CDH23: variants seen among roughly 807,000 people sequenced by gnomAD.
CDH23 encodes cadherin related 23, also known as cadherin-23.
In CDH23, 189 loss-of-function variants were observed where a neutral mutation model predicts 317.1. The ratio of observed to expected loss-of-function variants is 0.60; its 90% CI spans 0.53 to 0.67. CDH23 has a LOEUF of 0.67. CDH23 is among the 30% of genes least tolerant of loss of function. The pLI, the probability that CDH23 is intolerant of heterozygous loss-of-function variation, is 0.00. For synonymous variants in CDH23, 1,839 were observed against 1,876.8 expected, an observed-to-expected ratio of 0.98 and a Z score of 0.52; for missense variants, 4,401 against 4,592.4, an observed-to-expected ratio of 0.96 and a Z score of 1.20.
chr10:71,601,462 G>A (rs1448905365), intron 9 of CDH23, among the ~76,000 whole-genome samples: 1 of 152,164 alleles, frequency 6.6e-6, no homozygotes, highest in Admixed American at 6.5e-5. Flanking sequence ...GCCCAGAGAG[G>A]GTAGATAACT....
chr10:71,750,523 G>C (rs1839969795), intron 38 of CDH23: 1 of 152,284 alleles, frequency 6.6e-6, no homozygotes, highest in Non-Finnish European at 1.5e-5. Context: ...CCAGTGGGTG[G>C]GGCAACATCT....
intron 9 of CDH23, among the ~76,000 whole-genome samples, chr10:71,599,990 CTTTT>C (rs1174206523): frequency 3.7e-5 from 4 of 109,542 alleles, no homozygotes; most frequent in East Asian, 2.9e-4. Flanking sequence ...AATGTCTTTC[CTTTT>C]TTTTTTTTTT....
At chr10:71,727,437 C>T (rs1056756453) in intron 30 of CDH23, among the ~76,000 whole-genome samples, 37 of 152,342 alleles carry the variant, frequency 2.4e-4, no homozygotes, top group Admixed American at 2.2e-3. Flanking sequence ...AGCCTCCACA[C>T]CCATGAGACC....
intron 38 of CDH23, among the ~76,000 whole-genome samples, chr10:71,760,038 C>CACACACACAT (rs1564779706): frequency 8.7e-5 from 2 of 23,030 alleles, no homozygotes; most frequent in Non-Finnish European, 1.7e-4. Context: ...CACACACACA[C>CACACACACAT]ATATATACAC....
chr10:71,538,689 G>T (rs962674841), intron 6 of CDH23, among the ~76,000 whole-genome samples: 3 of 152,220 alleles, frequency 2.0e-5, no homozygotes, highest in Non-Finnish European at 2.9e-5. Flanking sequence ...CATGGATACA[G>T]CGTGCAACAA....
At chr10:71,553,145 A>G (rs1856690249) in intron 6 of CDH23, among the ~76,000 whole-genome samples, 1 of 152,168 alleles carries the variant, frequency 6.6e-6, no homozygotes, top group Non-Finnish European at 1.5e-5. Context: ...AGGTGATTCT[A>G]ATATGCAGCC....
chr10:71,791,455 G>T, intron 47 of CDH23, 120 bp downstream of exon 47: 2 of 823,556 alleles, frequency 2.4e-6, no homozygotes, highest in Non-Finnish European at 2.0e-6. Flanking sequence ...GGGCAGCAGG[G>T]TGAGTGTAGA....
At chr10:71,442,638 C>T (rs908103385) in intron 2 of CDH23, among the ~76,000 whole-genome samples, 3 of 152,208 alleles carry the variant, frequency 2.0e-5, no homozygotes, top group African/African-American at 7.2e-5. Flanking sequence ...CTTCTTCATC[C>T]GTGGGCTTGT....
intron 14 of CDH23, among the ~76,000 whole-genome samples, chr10:71,661,260 C>A (rs894294068): frequency 6.6e-6 from 1 of 152,140 alleles, no homozygotes; most frequent in Non-Finnish European, 1.5e-5. Context: ...CCAGGCCCAG[C>A]GCTCCCTCTG....
intron 1 of CDH23, among the ~76,000 whole-genome samples, chr10:71,413,078 C>T (rs140996559): frequency 3.3e-5 from 5 of 152,156 alleles, no homozygotes; most frequent in African/African-American, 1.2e-4. Flanking sequence ...GTGGTTTCCC[C>T]TGTGTTTTCA....
rs1228307475 is a variant in CDH23 at position 71,813,459 on chromosome 10, AC to A, written c.9738+113del. The A allele has an allele frequency of 3.1e-6, 3 of 961,784 alleles. No individual in the cohort carries two copies. The African/African-American group carries it at 4.9e-5, about 16-fold the overall frequency. 59.6% of individuals were successfully genotyped at this position (961,784 alleles called of 1,614,324 possible). A position where few individuals can be genotyped will look rare whatever the true frequency, so the allele number is the denominator to read the frequency against. ...ATGTCTCTGGAGCTCTGCAGCCAGG[AC>A]CAAAGACAGCAATGGGTGGGGGCCA... On this transcript the variant is annotated intron_variant, in intron 69 of 69. Transcript: ENST00000224721.
At chr10:71,567,407 C>T (rs777219871) in intron 7 of CDH23, among the ~76,000 whole-genome samples, 2 of 152,218 alleles carry the variant, frequency 1.3e-5, no homozygotes, top group Non-Finnish European at 2.9e-5. Context: ...GGCATCCTGC[C>T]TCTACTCCAC....
chr10:71,465,020 T>A (rs1290813404), intron 3 of CDH23, among the ~76,000 whole-genome samples: 1 of 152,216 alleles, frequency 6.6e-6, no homozygotes, highest in Non-Finnish European at 1.5e-5. Flanking sequence ...TCTCCACTTA[T>A]TTCAGTGTGA....
intron 28 of CDH23, among the ~76,000 whole-genome samples, chr10:71,719,442 AGAG>A (rs1220983734): frequency 6.6e-6 from 1 of 152,216 alleles, no homozygotes; most frequent in African/African-American, 2.4e-5. Flanking sequence ...TGCTGTGGGC[AGAG>A]AAGACTGCTG....
chr10:71,532,711 G>GTTTTTTTTTTTTTTTTTTTTTTT (rs531593760), intron 6 of CDH23, among the ~76,000 whole-genome samples: 7 of 128,142 alleles, frequency 5.5e-5, no homozygotes, highest in Non-Finnish European at 8.8e-5. Flanking sequence ...TTTTGTTTTT[G>GTTTTTTTTTTTTTTTTTTTTTTT]TTTTTTTTTT....
chr10:71,525,187 G>A lies in CDH23; in HGVS notation c.429+13975G>A, dbSNP rs149273204. On this transcript the variant is annotated intron_variant, in intron 6 of 69. Coordinates refer to ENST00000224721, the MANE Select transcript of CDH23 (RefSeq NM_022124.6). ...CCCCCAAAGTGCTGGGATTACAGGC[G>A]TGAGCCACTGTGCCCGGCCGACACC... is the stretch of plus-strand genomic sequence containing the variant. 1.6e-3 allele frequency among the ~76,000 whole-genome samples: 249 copies of A among 152,340 alleles called. No homozygotes were observed. In the Middle Eastern group the frequency reaches 0.017, roughly 10 times the overall value.
At chr10:71,778,393 A>T in intron 40 of CDH23, 85 bp downstream of exon 40, 3 of 1,538,800 alleles carry the variant, frequency 1.9e-6, no homozygotes. Context: ...GGAAGGGGTT[A>T]GGGGAAGATT....
At chr10:71,461,731 G>T (rs146939698) in intron 3 of CDH23, among the ~76,000 whole-genome samples, 1 of 152,134 alleles carries the variant, frequency 6.6e-6, no homozygotes, top group Non-Finnish European at 1.5e-5. Context: ...TCGCAACCCC[G>T]AAGGCCACCC....
rs563677727 is a variant in CDH23, at chr10:71,788,744, T to C, written c.5821-196T>C. ...TGCTGGGATTACAGGCATGAGCCACTGCACCCGGCCACATTTTTTCATGTT... is the reference window on the plus strand; with the variant it reads ...TGCTGGGATTACAGGCATGAGCCACCGCACCCGGCCACATTTTTTCATGTT... On this transcript the variant is annotated intron_variant, in intron 44 of 69. Transcript: ENST00000224721. Among the ~76,000 whole-genome samples the C allele has an allele frequency of 7.2e-5, 11 of 152,348 alleles. No homozygotes were observed. In the East Asian group the frequency reaches 2.1e-3, roughly 29 times the overall value.
Sources: allele counts gnomAD v4.1 joint callset (sites outside exome capture counted in the v4.1 genomes callset), GRCh38; gene constraint gnomAD v4.1.1; transcripts MANE v1.5; gene names NCBI Gene and HGNC (gene_info 2026-07-23, HGNC 2026-07-21).